Variants in CDON observed in about 807,000 individuals in gnomAD.
CDON encodes cell adhesion associated, oncogene regulated, also known as cell adhesion molecule-related/down-regulated by oncogenes.
CDON carries 73 observed loss-of-function variants against 120.9 expected under a neutral mutation model. The observed-to-expected ratio is 0.60, with a 90% CI of 0.50 to 0.73. CDON has a LOEUF of 0.73. CDON is among the 30% of genes least tolerant of loss of function. The pLI is 0.00. For synonymous variants in CDON, 566 were observed against 573.5 expected (o/e 0.99, Z 0.19); for missense variants, 1,470 against 1,587.3 (o/e 0.93, Z 1.26).
intron 1 of CDON, among the ~76,000 whole-genome samples, chr11:126,038,918 G>C (rs1263057789): frequency 6.6e-6 from 1 of 152,102 alleles, no homozygotes; most frequent in Non-Finnish European, 1.5e-5. Flanking sequence ...GCCTCGGGGT[G>C]CAAATAAAAC....
intron 1 of CDON, among the ~76,000 whole-genome samples, chr11:126,037,683 T>C (rs1241392184): frequency 6.6e-6 from 1 of 152,124 alleles, no homozygotes; most frequent in Non-Finnish European, 1.5e-5. Flanking sequence ...TTTCAAAACA[T>C]GACAGGATCC....
intron 16 of CDON, among the ~76,000 whole-genome samples, chr11:125,983,657 G>A (rs1047020409): frequency 1.3e-5 from 2 of 152,146 alleles, no homozygotes; most frequent in African/African-American, 2.4e-5. Context: ...TTTGGCTTTG[G>A]TGTTTATGTC....
At chr11:126,054,456 C>T (rs1405433884) in intron 1 of CDON, among the ~76,000 whole-genome samples, 1 of 152,034 alleles carries the variant, frequency 6.6e-6, no homozygotes, top group East Asian at 1.9e-4. Flanking sequence ...CTGTTTTTTT[C>T]TTTATCTAAA....
chr11:126,005,866 T>C lies in CDON; in HGVS notation c.1744A>G (p.Ile582Val), dbSNP rs775526308. 3.2e-5 allele frequency: 52 copies of C among 1,613,914 alleles called. No homozygotes were observed. The highest frequency in any genetic ancestry group is 2.2e-5 in the Non-Finnish European group (26 of 1,179,962). The part of the protein sequence containing the change: ...SGISVPDAPI[I>V]LSPPQTHTPD... ...GTGTGGGTCTGTGGGGGGCTCAGTA[T>C]GATGGGGGCATCAGGAACAGAGATG... Residue 582 changes from isoleucine (I) to valine (V), a missense_variant, in exon 9 of 20, where the codon ATA becomes GTA. Coordinates refer to ENST00000531738, the MANE Select transcript of CDON (RefSeq NM_001378964.1).
chr11:126,004,238 G>T, intron 9 of CDON, 162 bp from the exon 10 acceptor site: 1 of 727,062 alleles, frequency 1.4e-6, no homozygotes, highest in East Asian at 2.7e-5. Flanking sequence ...TTCATATTAA[G>T]AAATAGAAGA....
chr11:125,972,937 C>T (rs1347342108), intron 18 of CDON, among the ~76,000 whole-genome samples: 1 of 151,058 alleles, frequency 6.6e-6, no homozygotes, highest in Admixed American at 6.6e-5. Context: ...GCAGTGTTCT[C>T]TGCCTCAGTG....
At chr11:126,012,212 AT>A (rs1434845748) in intron 7 of CDON, among the ~76,000 whole-genome samples, 3 of 152,260 alleles carry the variant, frequency 2.0e-5, no homozygotes, top group African/African-American at 4.8e-5. Context: ...TTATGATGGG[AT>A]TTTAATTTGA....
chr11:126,017,135 T>C lies in CDON; in HGVS notation c.881A>G (p.Asn294Ser), dbSNP rs749949944. The change falls in exon 6 of 20, where the codon AAC (asparagine) becomes AGC (serine). Residue 294 changes from asparagine (N) to serine (S), a missense_variant. Physicochemically the swap from Asn to Ser is conservative, Grantham distance 46. Transcript: ENST00000531738. ...DSGNYSCMAG[N>S]KSGDVKYVTY... ...CACATATTTTACATCTCCAGACTTG[T>C]TTCCCGCCATGCAGGAATAGTTTCC... 15 of 1,614,022 alleles carry C rather than the reference T, an allele frequency of 9.3e-6. No homozygotes were observed. In the Admixed American group the frequency reaches 2.2e-4, roughly 23 times the overall value.
chr11:125,981,845 A>G (rs962999809), intron 16 of CDON, among the ~76,000 whole-genome samples: 1 of 152,164 alleles, frequency 6.6e-6, no homozygotes, highest in Admixed American at 6.5e-5. Context: ...AAGTAGCAAT[A>G]AACAACTCTG....
chr11:126,004,136 C>T (rs921909804), intron 9 of CDON, 60 bp from the exon 10 acceptor site: 48 of 1,532,014 alleles, frequency 3.1e-5, no homozygotes, highest in Middle Eastern at 1.7e-4. Context: ...GGAAATCTTT[C>T]GGTCACATTT....
At chr11:126,044,047 C>T (rs1948336674) in intron 1 of CDON, among the ~76,000 whole-genome samples, 1 of 152,108 alleles carries the variant, frequency 6.6e-6, no homozygotes, top group South Asian at 2.1e-4. Context: ...GAATGCTGTA[C>T]AAACAAAGTT....
At chr11:126,012,426 T>C (rs745799993) in intron 7 of CDON, among the ~76,000 whole-genome samples, 19 of 152,044 alleles carry the variant, frequency 1.2e-4, no homozygotes, top group Admixed American at 9.8e-4. Flanking sequence ...TTAAGAGACA[T>C]AATCTCGCTC....
chr11:125,993,276 G>T (rs1400960804), intron 14 of CDON, among the ~76,000 whole-genome samples: 1 of 152,050 alleles, frequency 6.6e-6, no homozygotes, highest in Non-Finnish European at 1.5e-5. Flanking sequence ...CATAGCAGTG[G>T]GAGAAAAGGT....
At chr11:125,988,221 G>A (rs143452981) in intron 15 of CDON, among the ~76,000 whole-genome samples, 45 of 152,194 alleles carry the variant, frequency 3.0e-4, no homozygotes, top group African/African-American at 8.4e-4. Context: ...AGTAGAGGAC[G>A]TTGGGGGAAA....
chr11:125,996,764 T>C (rs1024931530), intron 12 of CDON, among the ~76,000 whole-genome samples: 6 of 149,726 alleles, frequency 4.0e-5, no homozygotes, highest in African/African-American at 1.5e-4. Context: ...AATGATTATC[T>C]CTGAATGGGT....
chr11:126,011,259 T>G (rs1006705172), intron 7 of CDON, among the ~76,000 whole-genome samples: 1 of 152,208 alleles, frequency 6.6e-6, no homozygotes, highest in African/African-American at 2.4e-5. Context: ...AAATCTTTCC[T>G]TTTGGTCCTG....
chr11:125,984,508 G>C (rs1946407059), intron 15 of CDON, among the ~76,000 whole-genome samples: 2 of 152,124 alleles, frequency 1.3e-5, no homozygotes, highest in South Asian at 4.1e-4. Context: ...AACGGCCTGA[G>C]CAACACAGGG....
intron 1 of CDON, among the ~76,000 whole-genome samples, chr11:126,061,548 G>A (rs1948795541): frequency 6.6e-6 from 1 of 152,178 alleles, no homozygotes; most frequent in South Asian, 2.1e-4. Context: ...TCTCCTTGGA[G>A]ACACTGTCCA....
intron 1 of CDON, among the ~76,000 whole-genome samples, chr11:126,041,953 C>T (rs1287490191): frequency 6.6e-5 from 10 of 152,132 alleles, no homozygotes. Flanking sequence ...GGCGTGATCT[C>T]GGCTCACCAC....
Sources: gnomAD v4.1 joint callset for allele counts (sites outside exome capture counted in the v4.1 genomes callset) on GRCh38, gnomAD v4.1.1 for gene constraint, MANE v1.5 for transcripts, NCBI Gene and HGNC (gene_info 2026-07-23, HGNC 2026-07-21) for gene names.